RAPGEF5: variants seen among roughly 807,000 people sequenced by gnomAD.
RAPGEF5 encodes the protein M-Ras-regulated GEF.
A neutral mutation model predicts 125.2 loss-of-function variants in RAPGEF5; 65 were observed. The observed-to-expected ratio is 0.52, with a 90% CI of 0.43 to 0.64. RAPGEF5 has a LOEUF of 0.64. Among genes scored for constraint, RAPGEF5 ranks in the 30% least tolerant of loss-of-function variants. RAPGEF5 has a pLI of 0.00. For synonymous variants in RAPGEF5, 391 were observed against 385.9 expected (o/e 1.01, Z -0.16); for missense variants, 958 against 1,048.1 (o/e 0.91, Z 1.19).
rs182228772 is a variant in RAPGEF5 at position 22,221,494 on chromosome 7, G to A, written c.871-1503C>T. Among the ~76,000 whole-genome samples, 67 of 152,188 alleles carry A rather than the reference G, an allele frequency of 4.4e-4. 1 individual carries two copies. The East Asian group carries it at 0.011, about 24-fold the overall frequency. ...TATATATCTGATATGGTTTTGCAGA[G>A]TCGCCACCCAAATCTCATCTCAAAT... On this transcript the variant is annotated intron_variant, in intron 8 of 25. Transcript: ENST00000665637.
At chr7:22,160,673 A>G in intron 13 of RAPGEF5, 58 bp from the exon 14 acceptor site, 1 of 1,465,042 alleles carries the variant, frequency 6.8e-7, no homozygotes, top group Non-Finnish European at 9.0e-7. Context: ...GTAGGGATTA[A>G]GACTCATACC....
intron 11 of RAPGEF5, among the ~76,000 whole-genome samples, chr7:22,173,650 GAA>G (rs1738333776): frequency 6.6e-6 from 1 of 152,156 alleles, no homozygotes; most frequent in Non-Finnish European, 1.5e-5. Flanking sequence ...CTTCAAGAAA[GAA>G]TGATTTGAAT....
intron 8 of RAPGEF5, among the ~76,000 whole-genome samples, chr7:22,228,903 A>C (rs758522372): frequency 6.6e-6 from 1 of 152,084 alleles, no homozygotes; most frequent in African/African-American, 2.4e-5. Context: ...ATGCTGCCCA[A>C]CATTTACTGA....
intron 7 of RAPGEF5, among the ~76,000 whole-genome samples, chr7:22,240,009 G>C (rs1313413251): frequency 6.6e-6 from 1 of 151,846 alleles, no homozygotes; most frequent in East Asian, 1.9e-4. Context: ...AAGAGTTCGA[G>C]ACCAGCCTGC....
At chr7:22,211,863 C>T (rs1785513773) in intron 9 of RAPGEF5, among the ~76,000 whole-genome samples, 1 of 152,102 alleles carries the variant, frequency 6.6e-6, no homozygotes, top group Non-Finnish European at 1.5e-5. Context: ...GGCCCTACCT[C>T]TCCCATCCAC....
chr7:22,157,465 G>A (rs1323599314), intron 15 of RAPGEF5, among the ~76,000 whole-genome samples: 6 of 152,092 alleles, frequency 3.9e-5, no homozygotes, highest in African/African-American at 9.7e-5. Context: ...CTTCTCTTTC[G>A]GTTGTATTAA....
At chr7:22,220,813 T>C (rs1321081824) in intron 8 of RAPGEF5, among the ~76,000 whole-genome samples, 1 of 152,148 alleles carries the variant, frequency 6.6e-6, no homozygotes, top group Non-Finnish European at 1.5e-5. Context: ...AGACATGATC[T>C]AATAAAGAAA....
chr7:22,236,467 C>T (rs1339803624), intron 7 of RAPGEF5, among the ~76,000 whole-genome samples: 5 of 152,246 alleles, frequency 3.3e-5, no homozygotes, highest in East Asian at 1.9e-4. Flanking sequence ...CGTGAGGACA[C>T]GAAGGTCTGA....
chr7:22,261,478 C>T (rs1039017778), intron 7 of RAPGEF5, among the ~76,000 whole-genome samples: 2 of 152,048 alleles, frequency 1.3e-5, no homozygotes, highest in African/African-American at 4.8e-5. Flanking sequence ...TGTGGTGGCA[C>T]ATGCCTGCAT....
Position 22,343,872 on chromosome 7 carries a change from G to A in RAPGEF5, c.231+12958C>T, listed in dbSNP as rs141384544. Among the ~76,000 whole-genome samples, 9 of 152,084 alleles carry A rather than the reference G, an allele frequency of 5.9e-5. No individual in the cohort carries two copies. In the South Asian group the frequency reaches 6.2e-4, roughly 11 times the overall value. On this transcript the variant is annotated intron_variant, in intron 1 of 25. Transcript: ENST00000665637. Reference sequence around the variant, plus strand: ...CACATAAAGGTTTTATAATTCCTGCGTATAAGCTGACGATGCTGAGGGTGT... The same window carrying A: ...CACATAAAGGTTTTATAATTCCTGCATATAAGCTGACGATGCTGAGGGTGT...
intron 17 of RAPGEF5, among the ~76,000 whole-genome samples, chr7:22,153,148 C>T (rs986586949): frequency 2.6e-5 from 4 of 152,180 alleles, no homozygotes; most frequent in Admixed American, 2.0e-4. Flanking sequence ...TCATTCAGCT[C>T]TTCCTTCTCT....
Position 22,230,871 on chromosome 7 carries a change from T to C in RAPGEF5, c.845A>G (p.Glu282Gly). Residue 282 changes from glutamate (E) to glycine (G), a missense_variant, in exon 8 of 26, where the codon GAA (glutamate) becomes GGA (glycine). Physicochemically the swap from Glu to Gly is moderately conservative, Grantham distance 98. Transcript: ENST00000665637. ...CTGAGAATCTGGAACACTTTCGGCTTCTGTTACAGCTACATGTTTGTCGTT... is the reference window on the plus strand; with the variant it reads ...CTGAGAATCTGGAACACTTTCGGCTCCTGTTACAGCTACATGTTTGTCGTT... The part of the protein sequence containing the change: ...ENNDKHVAVT[E>G]AESVPDSQAG... 1.3e-6 allele frequency: 2 copies of C among 1,566,996 alleles called. No homozygotes were observed. The highest frequency in any genetic ancestry group is 1.7e-6 in the Non-Finnish European group (2 of 1,153,758).
At chr7:22,260,526 G>C (rs544733399) in intron 7 of RAPGEF5, among the ~76,000 whole-genome samples, 8 of 123,558 alleles carry the variant, frequency 6.5e-5, no homozygotes, top group African/African-American at 2.6e-4. Flanking sequence ...CAGAAATTAG[G>C]ACCAGTAAAA....
intron 15 of RAPGEF5, among the ~76,000 whole-genome samples, chr7:22,157,451 C>T (rs963062056): frequency 3.3e-5 from 5 of 152,222 alleles, no homozygotes; most frequent in Admixed American, 6.5e-5. Flanking sequence ...TTCCCACTTG[C>T]TACCTTCTCT....
At chr7:22,152,243 G>C (rs978405038) in intron 17 of RAPGEF5, among the ~76,000 whole-genome samples, 3 of 152,104 alleles carry the variant, frequency 2.0e-5, no homozygotes, top group African/African-American at 7.2e-5. Context: ...ATAATGTTGG[G>C]CTGGTGACAT....
intron 11 of RAPGEF5, among the ~76,000 whole-genome samples, chr7:22,187,733 G>A (rs940957564): frequency 1.3e-5 from 2 of 152,230 alleles, no homozygotes; most frequent in South Asian, 2.1e-4. Context: ...CGGACATGAG[G>A]CTGGACATAC....
At chr7:22,352,137 A>T (rs888589148) in intron 1 of RAPGEF5, among the ~76,000 whole-genome samples, 7 of 152,240 alleles carry the variant, frequency 4.6e-5, no homozygotes, top group Non-Finnish European at 8.8e-5. Context: ...TGAAACAGAT[A>T]CCAAGACGTT....
At chr7:22,260,706 A>C (rs1782134764) in intron 7 of RAPGEF5, among the ~76,000 whole-genome samples, 1 of 152,138 alleles carries the variant, frequency 6.6e-6, no homozygotes, top group Non-Finnish European at 1.5e-5. Context: ...AATAATCTAT[A>C]AGGTAAATAC....
chr7:22,143,632 G>A (rs906446270), intron 20 of RAPGEF5, among the ~76,000 whole-genome samples: 2 of 152,206 alleles, frequency 1.3e-5, no homozygotes, highest in Non-Finnish European at 2.9e-5. Flanking sequence ...CCCACAGAGA[G>A]TGTACTCTTT....
Sources: allele counts gnomAD v4.1 joint callset (sites outside exome capture counted in the v4.1 genomes callset), GRCh38; gene constraint gnomAD v4.1.1; transcripts MANE v1.5; gene names NCBI Gene and HGNC (gene_info 2026-07-23, HGNC 2026-07-21).